The following ARHGAP29 variants were observed in gnomAD, a reference collection of about 807,000 sequenced individuals.
ARHGAP29 encodes the protein Rho GTPase activating protein 29, also known as rho GTPase-activating protein 29.
In ARHGAP29, 43 loss-of-function variants were observed where a neutral mutation model predicts 122.6. The observed-to-expected ratio is 0.35, with a 90% CI of 0.27 to 0.45. The LOEUF (loss-of-function observed/expected upper bound fraction) is 0.45. Among genes scored for constraint, ARHGAP29 ranks in the 20% least tolerant of loss-of-function variants. The pLI is 1.00. For synonymous variants in ARHGAP29, 506 were observed against 497.1 expected (o/e 1.02, Z -0.24); for missense variants, 1,303 against 1,477.2 (o/e 0.88, Z 1.93).
chr1:94,306,189 C>T, the ARHGAP29 span, among the ~76,000 whole-genome samples: 13 of 152,334 alleles, frequency 8.5e-5, no homozygotes, highest in Admixed American at 2.6e-4. Flanking sequence ...TTGAGTCTTT[C>T]CCCACCTCAC....
chr1:94,226,538 G>A (rs1029222904), intron 2 of ARHGAP29, among the ~76,000 whole-genome samples: 4 of 151,854 alleles, frequency 2.6e-5, no homozygotes, highest in African/African-American at 9.6e-5. Flanking sequence ...ATGATATATT[G>A]CCACATGGTT....
chr1:94,261,917 G>A (rs1654572704), intron 1 of ARHGAP29, among the ~76,000 whole-genome samples: 1 of 152,134 alleles, frequency 6.6e-6, no homozygotes, highest in African/African-American at 2.4e-5. Flanking sequence ...AACTTCGTAT[G>A]GAACCATAAA....
intron 1 of ARHGAP29, among the ~76,000 whole-genome samples, chr1:94,274,750 C>T (rs1340260067): frequency 2.0e-5 from 3 of 152,184 alleles, no homozygotes; most frequent in Non-Finnish European, 4.4e-5. Context: ...ACTCTCTGCT[C>T]CCACCACCCA....
chr1:94,263,511 T>C (rs1224330118), intron 1 of ARHGAP29, among the ~76,000 whole-genome samples: 7 of 152,246 alleles, frequency 4.6e-5, no homozygotes, highest in African/African-American at 1.7e-4. Flanking sequence ...AATTATGAAA[T>C]ATCACATGAG....
At chr1:94,230,977 C>T (rs956997254) in intron 2 of ARHGAP29, among the ~76,000 whole-genome samples, 4 of 151,532 alleles carry the variant, frequency 2.6e-5, no homozygotes, top group Non-Finnish European at 5.9e-5. Flanking sequence ...AAAATGCAGT[C>T]ATTTTAGATA....
intron 3 of ARHGAP29, among the ~76,000 whole-genome samples, chr1:94,216,213 GA>G (rs1570555196): frequency 2.0e-5 from 3 of 152,068 alleles, no homozygotes; most frequent in Admixed American, 2.0e-4. Flanking sequence ...TTTGTAATAG[GA>G]AAAAAACTGG....
the ARHGAP29 span, among the ~76,000 whole-genome samples, chr1:94,297,223 C>G: frequency 6.6e-6 from 1 of 152,168 alleles, no homozygotes; most frequent in African/African-American, 2.4e-5. Context: ...CAGCATGTGA[C>G]AGCTCATTTG....
intron 1 of ARHGAP29, among the ~76,000 whole-genome samples, chr1:94,254,535 C>T (rs544882154): frequency 6.6e-6 from 1 of 152,324 alleles, no homozygotes; most frequent in African/African-American, 2.4e-5. Flanking sequence ...GAAGGCAATA[C>T]TGCTTGGCAA....
upstream of ARHGAP29, among the ~76,000 whole-genome samples, chr1:94,276,396 G>C (rs1333187584): frequency 6.6e-6 from 1 of 151,978 alleles, no homozygotes; most frequent in African/African-American, 2.4e-5. Flanking sequence ...GATATCAAAG[G>C]ATATTAAGCT....
intron 22 of ARHGAP29, among the ~76,000 whole-genome samples, chr1:94,176,397 G>C (rs1649095214): frequency 6.6e-6 from 1 of 152,154 alleles, no homozygotes; most frequent in Non-Finnish European, 1.5e-5. Context: ...TAGCCACAAA[G>C]GTTAGGTTTA....
At chr1:94,284,235 C>T in the ARHGAP29 span, among the ~76,000 whole-genome samples, 1 of 152,142 alleles carries the variant, frequency 6.6e-6, no homozygotes, top group Non-Finnish European at 1.5e-5. Context: ...ATTTCTTATG[C>T]TGAGTATCAG....
chr1:94,189,001 C>T (rs1649974559), intron 14 of ARHGAP29, 60 bp from the exon 15 acceptor site: 2 of 1,503,686 alleles, frequency 1.3e-6, no homozygotes, highest in Admixed American at 3.5e-5. Context: ...AGGTAAAATA[C>T]TGACATTCTA....
At chr1:94,313,689 C>G in the ARHGAP29 span, among the ~76,000 whole-genome samples, 1 of 152,120 alleles carries the variant, frequency 6.6e-6, no homozygotes, top group Non-Finnish European at 1.5e-5. Flanking sequence ...ATGTTTATTG[C>G]GGCACTATTC....
upstream of ARHGAP29, among the ~76,000 whole-genome samples, chr1:94,240,186 G>C (rs1484634793): frequency 6.6e-6 from 1 of 152,202 alleles, no homozygotes; most frequent in African/African-American, 2.4e-5. Context: ...CTGACACAGA[G>C]TCACAATAGT....
chr1:94,239,075 G>A (rs191337883), upstream of ARHGAP29, among the ~76,000 whole-genome samples: 4 of 152,230 alleles, frequency 2.6e-5, no homozygotes, highest in Non-Finnish European at 1.5e-5. Context: ...ACAAGGTCCT[G>A]CCACAAATAG....
At chr1:94,287,598 C>T in the ARHGAP29 span, among the ~76,000 whole-genome samples, 1 of 152,012 alleles carries the variant, frequency 6.6e-6, no homozygotes, top group Non-Finnish European at 1.5e-5. Context: ...TGGTTTGCTG[C>T]ACCCATTAAC....
At chr1:94,185,941 C>T in intron 16 of ARHGAP29, among the ~76,000 whole-genome samples, 1 of 152,222 alleles carries the variant, frequency 6.6e-6, no homozygotes, top group Non-Finnish European at 1.5e-5. Context: ...TAGCTAATTA[C>T]ATATTAATAT....
chr1:94,186,703 T>A, intron 15 of ARHGAP29, 106 bp from the exon 16 acceptor site: 1 of 836,946 alleles, frequency 1.2e-6, no homozygotes, highest in Non-Finnish European at 1.9e-6. Flanking sequence ...TTTATTAGCT[T>A]CAATGTAAAA....
intron 12 of ARHGAP29, chr1:94,194,564 T>C (rs1230451620): frequency 1.4e-5 from 2 of 145,962 alleles, no homozygotes; most frequent in East Asian, 3.9e-4. Context: ...CAATTCCTGA[T>C]GCGTAGACTG....
Sources: gnomAD v4.1 joint callset for allele counts (sites outside exome capture counted in the v4.1 genomes callset) on GRCh38, gnomAD v4.1.1 for gene constraint, MANE v1.5 for transcripts, NCBI Gene and HGNC (gene_info 2026-07-23, HGNC 2026-07-21) for gene names.